Variants in TTLL3 observed in about 807,000 individuals in gnomAD.
TTLL3 encodes the protein tubulin monoglycylase TTLL3.
A neutral mutation model predicts 75.2 loss-of-function variants in TTLL3; 63 were observed. The ratio of observed to expected loss-of-function variants is 0.84; its 90% confidence interval spans 0.68 to 1.03. The LOEUF is 1.03. TTLL3 is among the 50% of genes least tolerant of loss of function. The pLI, the probability that TTLL3 is intolerant of heterozygous loss-of-function variation, is 0.00. For synonymous variants in TTLL3, 393 were observed against 418.5 expected, an observed-to-expected ratio of 0.94 and a Z score of 0.74; for missense variants, 997 against 1,069.9, an observed-to-expected ratio of 0.93 and a Z score of 0.95.
intron 12 of TTLL3, chr3:9,834,001 A>G (rs978022253): frequency 2.6e-5 from 5 of 194,560 alleles, no homozygotes; most frequent in African/African-American, 4.7e-5. Context: ...AATCCCAGCT[A>G]CTTGGGAGAC....
At position 9,834,365 on chromosome 3, in the gene TTLL3, C is replaced by T. The variant is rs545767122; in HGVS notation, c.1826-316C>T. 1.2e-3 allele frequency: 652 copies of T among 562,736 alleles called. 5 individuals carry two copies. The highest frequency in any genetic ancestry group is 0.011 in the African/African-American group (573 of 54,072). The allele number at this position is 562,736 out of a possible 1,614,324, so 34.9% of individuals were successfully genotyped here. A position where few individuals can be genotyped will look rare whatever the true frequency, so the allele number is the denominator to read the frequency against. On this transcript the variant is annotated intron_variant, in intron 12 of 13. Transcript: ENST00000685419. ...ACAGTTTGCCCCATACCGCTACCTG[C>T]CCAGCTCCTTTAGTGTTTACACCAA...
Position 9,827,105 on chromosome 3 carries a change from T to C in TTLL3, c.1112T>C (p.Leu371Pro). ...GTGCAGAAGTATATTGAGCGGCCCC[T>C]CCTCATCTTTGGCACCAAGTTTGAC... ...WVVQKYIERPLLIFGTKFDLR... is the reference protein window; with the variant it reads ...WVVQKYIERPPLIFGTKFDLR... Residue 371 changes from leucine to proline, a missense_variant, in exon 10 of 14, where the codon CTC becomes CCC. Transcript: ENST00000685419. The C allele has an allele frequency of 6.2e-7, 1 of 1,614,128 alleles. No individual in the cohort carries two copies.
chr3:9,817,825 A>T (rs2080033506), intron 6 of TTLL3, 66 bp downstream of exon 6: 9 of 1,601,374 alleles, frequency 5.6e-6, no homozygotes, highest in Admixed American at 3.4e-5. Context: ...GCTCTGGCTC[A>T]TATTGGAGAG....
chr3:9,823,645 G>T (rs11712675), intron 8 of TTLL3, among the ~76,000 whole-genome samples: 62,159 of 151,956 alleles, frequency 0.41, 13,790 homozygotes, highest in Non-Finnish European at 0.5. Flanking sequence ...CAGGACATAG[G>T]TGTGAGTACT....
chr3:9,827,557 A>G lies in TTLL3; in HGVS notation c.1247+317A>G, dbSNP rs2081162459. On this transcript the variant is annotated intron_variant, in intron 10 of 13. Transcript: ENST00000685419. ...GTCTGAGACCACAGGCATGTACCAC[A>G]GCTGATTTTTAAGTTTTTTAATGTA... 9.9e-6 allele frequency: 3 copies of G among 302,696 alleles called. No homozygotes were observed. The Admixed American group carries it at 1.4e-4, about 14-fold the overall frequency. The allele number at this position is 302,696 out of a possible 1,614,324, so 18.8% of individuals were successfully genotyped here.
chr3:9,825,922 A>G lies in TTLL3; in HGVS notation c.977A>G (p.Lys326Arg). 14 of 1,613,878 alleles carry G rather than the reference A, an allele frequency of 8.7e-6. No homozygotes were observed. The highest frequency in any genetic ancestry group is 1.2e-5 in the Non-Finnish European group (14 of 1,179,788). ...GGGGATCGCAACATCTGGATCGTGAAGCCAGGAGCCAAGTCCCGCGGACGA... is the reference window on the plus strand; with the variant it reads ...GGGGATCGCAACATCTGGATCGTGAGGCCAGGAGCCAAGTCCCGCGGACGA... ...MEGDRNIWIV[K>R]PGAKSRGRGI... Residue 326 changes from lysine (K) to arginine (R), a missense_variant, in exon 9 of 14, where the codon AAG becomes AGG. Transcript: ENST00000685419.
At chr3:9,816,333 T>G (rs530210482) in intron 5 of TTLL3, 131 bp downstream of exon 5, 1 of 1,009,002 alleles carries the variant, frequency 9.9e-7, no homozygotes, top group South Asian at 1.5e-5. Flanking sequence ...TTCAGAAAAT[T>G]TGGAGTCTGA....
Position 9,827,040 on chromosome 3 carries a change from G to A in TTLL3, c.1047G>A (p.Val349=). Reference sequence around the variant, plus strand: ...ACCTGGAGGAGATGCTGAAGCTGGTGAACGGCAACCCCGTGGTGATGAAGG... The same window carrying A: ...ACCTGGAGGAGATGCTGAAGCTGGTAAACGGCAACCCCGTGGTGATGAAGG... ...MDHLEEMLKL[V]NGNPVVMKDG... is the part of the protein sequence containing the mutation. The change falls in exon 10 of 14, where the codon GTG becomes GTA. Residue 349 remains valine, a synonymous_variant. Coordinates refer to ENST00000685419, the MANE Select transcript of TTLL3 (RefSeq NM_001387446.1). 6.2e-7 allele frequency: 1 copy of A among 1,614,218 alleles called. No individual in the cohort carries two copies. Among genetic ancestry groups the A allele is most frequent in the Non-Finnish European group, 8.5e-7 (1 of 1,180,044 alleles).
At chr3:9,815,718 G>C (rs2079785153) in intron 4 of TTLL3, among the ~76,000 whole-genome samples, 1 of 152,236 alleles carries the variant, frequency 6.6e-6, no homozygotes, top group Non-Finnish European at 1.5e-5. Context: ...CTCAGTCTTT[G>C]GAATTTGCCA....
chr3:9,809,774 C>T (rs934853665), upstream of TTLL3: 4 of 371,686 alleles, frequency 1.1e-5, no homozygotes, highest in African/African-American at 6.3e-5. Flanking sequence ...GGTGAGGCCC[C>T]AGGTCATAAG....
chr3:9,811,312 A>C (rs1472255911), intron 2 of TTLL3, among the ~76,000 whole-genome samples: 1 of 152,100 alleles, frequency 6.6e-6, no homozygotes, highest in East Asian at 1.9e-4. Context: ...TTCATGTCCC[A>C]AACCAGACTT....
At chr3:9,826,940 C>A in intron 9 of TTLL3, 57 bp from the exon 10 acceptor site, 1 of 1,607,462 alleles carries the variant, frequency 6.2e-7, no homozygotes. Flanking sequence ...GACAAGCTGG[C>A]CCTTCTCCTG....
At position 9,835,681 on chromosome 3, in the gene TTLL3, G is replaced by A. The variant is rs1278173723; in HGVS notation, c.*192G>A. The A allele has an allele frequency of 1.1e-5, 6 of 570,758 alleles. No individual in the cohort carries two copies. Among genetic ancestry groups the A allele is most frequent in the Middle Eastern group, 4.7e-4 (1 of 2,130 alleles). 35.4% of individuals were successfully genotyped at this position (570,758 alleles called of 1,614,324 possible). Reference sequence around the variant, plus strand: ...ACCCAAGATCACGTGGCAGTGAGTCGACGCAGGGACATATTGCCAGAACTG... The same window carrying A: ...ACCCAAGATCACGTGGCAGTGAGTCAACGCAGGGACATATTGCCAGAACTG... On this transcript the variant is annotated 3_prime_UTR_variant, in exon 14 of 14. Coordinates refer to ENST00000685419, the MANE Select transcript of TTLL3 (RefSeq NM_001387446.1).
intron 4 of TTLL3, among the ~76,000 whole-genome samples, 159 bp downstream of exon 4, chr3:9,813,504 A>T (rs2079534811): frequency 6.6e-6 from 1 of 152,192 alleles, no homozygotes; most frequent in African/African-American, 2.4e-5. Flanking sequence ...ATAGAGCTGG[A>T]CATGGTGGCT....
At chr3:9,815,441 GC>G (rs2079755402) in intron 4 of TTLL3, among the ~76,000 whole-genome samples, 1 of 152,222 alleles carries the variant, frequency 6.6e-6, no homozygotes, top group Non-Finnish European at 1.5e-5. Flanking sequence ...TTAGAGCAGG[GC>G]CCAGCATGGG....
At chr3:9,810,138 G>A (rs1210954704), upstream of TTLL3, 1 of 1,474,316 alleles carries the variant, frequency 6.8e-7, no homozygotes, top group East Asian at 3.0e-5. This position sits in a 1 kb window ranked among gnomAD's most constrained non-coding sequence, Gnocchi z 4.4. Context: ...AGCCGCTCGA[G>A]CCACGCACCA....
At chr3:9,812,888 A>G (rs2079482481) in intron 2 of TTLL3, 55 bp from the exon 3 acceptor site, 2 of 1,430,748 alleles carry the variant, frequency 1.4e-6, no homozygotes, top group East Asian at 2.4e-5. Context: ...TATATCCCCT[A>G]TGTCTGGCAC....
At chr3:9,833,372 G>T (rs2081762696) in intron 12 of TTLL3, 127 bp downstream of exon 12, 2 of 1,464,262 alleles carry the variant, frequency 1.4e-6, no homozygotes, top group Admixed American at 2.5e-5. Flanking sequence ...GGGAAGAAAG[G>T]CAAGGCGAAA....
chr3:9,827,574 T>G, intron 10 of TTLL3: 1 of 278,454 alleles, frequency 3.6e-6, no homozygotes, highest in Non-Finnish European at 7.0e-6. Context: ...TTTTAAGTTT[T>G]TTAATGTAGA....
Sources: allele counts gnomAD v4.1 joint callset (sites outside exome capture counted in the v4.1 genomes callset), GRCh38; gene constraint gnomAD v4.1.1; non-coding constraint Gnocchi (gnomAD v3.1); transcripts MANE v1.5; gene names NCBI Gene and HGNC (gene_info 2026-07-23, HGNC 2026-07-21).